The following PJA2 variants were observed in gnomAD, a reference collection of about 807,000 sequenced individuals.
PJA2 encodes the protein praja ring finger ubiquitin ligase 2.
A neutral mutation model predicts 69.3 loss-of-function variants in PJA2; 25 were observed. The ratio of observed to expected loss-of-function variants is 0.36; its 90% CI spans 0.26 to 0.50. PJA2 has a LOEUF of 0.50. Ranked by LOEUF, PJA2 falls within the 20% of genes least tolerant of loss-of-function variation. The probability of loss-of-function intolerance (pLI) is 0.96; values close to 1 mark genes in which losing one functional copy is unlikely to be tolerated. For synonymous variants in PJA2, 308 were observed against 277.8 expected (o/e 1.11, Z -1.08); for missense variants, 809 against 830.2 (o/e 0.97, Z 0.31).
At chr5:109,409,641 G>A (rs1461728658) in intron 1 of PJA2, among the ~76,000 whole-genome samples, 2 of 151,922 alleles carry the variant, frequency 1.3e-5, no homozygotes, top group East Asian at 3.9e-4. Flanking sequence ...GCTGGACAGG[G>A]CCCAGGAGGC....
chr5:109,354,404 T>C (rs1762365148), intron 7 of PJA2, among the ~76,000 whole-genome samples: 1 of 145,628 alleles, frequency 6.9e-6, no homozygotes. Flanking sequence ...TATCTAGAGA[T>C]ATCTATAGAT....
chr5:109,357,299 T>A (rs999307321), intron 6 of PJA2, among the ~76,000 whole-genome samples: 1 of 144,142 alleles, frequency 6.9e-6, no homozygotes, highest in Admixed American at 6.9e-5. Flanking sequence ...ACAAACAACC[T>A]AGCTCAAAAA....
intron 6 of PJA2, among the ~76,000 whole-genome samples, chr5:109,359,597 A>G (rs895941633): frequency 6.6e-6 from 1 of 152,242 alleles, no homozygotes; most frequent in Non-Finnish European, 1.5e-5. Flanking sequence ...GACAAATACA[A>G]CCTAAGGGAC....
intron 7 of PJA2, among the ~76,000 whole-genome samples, chr5:109,352,122 T>C (rs992554138): frequency 6.6e-6 from 1 of 152,184 alleles, no homozygotes; most frequent in Non-Finnish European, 1.5e-5. Context: ...CTGGTAGGAA[T>C]AATGCCACTG....
At chr5:109,383,787 G>A (rs1582618370) in intron 1 of PJA2, among the ~76,000 whole-genome samples, 1 of 152,202 alleles carries the variant, frequency 6.6e-6, no homozygotes, top group African/African-American at 2.4e-5. Context: ...ACAAAAATTA[G>A]CCAGGCGTGG....
intron 9 of PJA2, among the ~76,000 whole-genome samples, chr5:109,337,964 G>A (rs927872194): frequency 7.2e-5 from 11 of 152,054 alleles, no homozygotes; most frequent in Non-Finnish European, 1.6e-4. Context: ...AGAGTGTTAG[G>A]TGCCTTCTAA....
chr5:109,353,144 C>A (rs1015488799), intron 7 of PJA2, among the ~76,000 whole-genome samples: 1 of 62,356 alleles, frequency 1.6e-5, no homozygotes, highest in African/African-American at 8.0e-5. Context: ...ATACCTATAT[C>A]TAGATATCTA....
Position 109,378,276 on chromosome 5 carries a change from C to T in PJA2, c.1211G>A (p.Arg404Lys). Reference protein sequence around the residue: ...MTSESGATAGRQEVDNTFWNG... With the variant: ...MTSESGATAGKQEVDNTFWNG... ...CCAAAAGGTGTTATCCACCTCTTGCCTTCCTGCTGTGGCTCCACTTTCTGA... is the reference window on the plus strand; with the variant it reads ...CCAAAAGGTGTTATCCACCTCTTGCTTTCCTGCTGTGGCTCCACTTTCTGA... Residue 404 changes from arginine to lysine, a missense_variant, in exon 4 of 10, where the codon AGG becomes AAG. This residue lies in a region of PJA2 where 700 missense variants were observed against 639.5 expected (regional missense o/e 1.09). Transcript: ENST00000361189. The T allele has an allele frequency of 6.2e-7, 1 of 1,614,080 alleles. No homozygotes were observed. The highest frequency in any genetic ancestry group is 8.5e-7 in the Non-Finnish European group (1 of 1,179,966).
chr5:109,366,518 CG>C (rs1762587571), intron 5 of PJA2, among the ~76,000 whole-genome samples: 1 of 152,216 alleles, frequency 6.6e-6, no homozygotes, highest in South Asian at 2.1e-4. Flanking sequence ...TCTAAAGAGA[CG>C]TCATCCCTGA....
At chr5:109,396,602 T>C (rs1582628101) in intron 1 of PJA2, among the ~76,000 whole-genome samples, 2 of 151,614 alleles carry the variant, frequency 1.3e-5, no homozygotes, top group South Asian at 2.1e-4. Flanking sequence ...AAATTTTGTA[T>C]TTTTAGTAGA....
Position 109,336,583 on chromosome 5 carries a change from T to C in PJA2, c.*648A>G, listed in dbSNP as rs1428602613. 6.6e-6 allele frequency: 1 copy of C among 152,154 alleles called. No homozygotes were observed. The highest frequency in any genetic ancestry group is 3.2e-3 in the Middle Eastern group (1 of 316). The allele number at this position is 152,154 out of a possible 1,614,324, so 9.4% of individuals were successfully genotyped here. On this transcript the variant is annotated 3_prime_UTR_variant, in exon 10 of 10. Coordinates refer to ENST00000361189, the MANE Select transcript of PJA2 (RefSeq NM_014819.5). Reference sequence around the variant, plus strand: ...CTAACCTTACGTTAAGCACATCCACTGGTTTCATTAAGGATTTTACTACCT... The same window carrying C: ...CTAACCTTACGTTAAGCACATCCACCGGTTTCATTAAGGATTTTACTACCT...
chr5:109,390,104 G>A (rs1174092611), intron 1 of PJA2, among the ~76,000 whole-genome samples: 1 of 152,040 alleles, frequency 6.6e-6, no homozygotes, highest in East Asian at 1.9e-4. Flanking sequence ...ATTAGGTTAA[G>A]TTGATTAATC....
At chr5:109,376,557 G>A (rs1746892093) in intron 4 of PJA2, among the ~76,000 whole-genome samples, 1 of 151,714 alleles carries the variant, frequency 6.6e-6, no homozygotes, top group African/African-American at 2.4e-5. Flanking sequence ...CAGAAGAGAA[G>A]TATTTATTTT....
chr5:109,346,069 A>G (rs438173), intron 7 of PJA2, among the ~76,000 whole-genome samples: 66,050 of 152,106 alleles, frequency 0.43, 17,636 homozygotes, highest in Non-Finnish European at 0.59. Context: ...CTGGGACTGC[A>G]TAAGTCCTGT....
intron 4 of PJA2, among the ~76,000 whole-genome samples, chr5:109,371,610 T>C (rs1762677046): frequency 6.6e-6 from 1 of 152,194 alleles, no homozygotes; most frequent in African/African-American, 2.4e-5. Context: ...TAAATTTAAT[T>C]CCACTCCCTC....
chr5:109,337,143 ATATT>A lies in PJA2; in HGVS notation c.*84_*87del. ...TATACTATATATAGCATTTTTAAAT[ATATT>A]TATATATAATTATTTGCACATGAAA... On this transcript the variant is annotated 3_prime_UTR_variant, in exon 10 of 10. Coordinates refer to ENST00000361189, the MANE Select transcript of PJA2 (RefSeq NM_014819.5). The A allele has an allele frequency of 1.6e-6, 2 of 1,232,246 alleles. No homozygotes were observed. The highest frequency in any genetic ancestry group is 2.2e-6 in the Non-Finnish European group (2 of 919,002). 76.3% of individuals were successfully genotyped at this position (1,232,246 alleles called of 1,614,324 possible).
Position 109,383,399 on chromosome 5 carries a change from T to C in PJA2, c.31+4A>G. ...CTCAATGTAGAAGAACTGACTTTCC[T>C]TACCTGCTGGCTCCTTTTCAGTGTA... On this transcript the variant is annotated splice_donor_region_variant and intron_variant, in intron 2 of 9. Coordinates refer to ENST00000361189, the MANE Select transcript of PJA2 (RefSeq NM_014819.5). The C allele has an allele frequency of 6.2e-7, 1 of 1,613,316 alleles. No homozygotes were observed. The highest frequency in any genetic ancestry group is 8.5e-7 in the Non-Finnish European group (1 of 1,179,468).
At chr5:109,354,017 T>A (rs1306766803) in intron 7 of PJA2, among the ~76,000 whole-genome samples, 1 of 144,236 alleles carries the variant, frequency 6.9e-6, no homozygotes, top group East Asian at 2.1e-4. Flanking sequence ...ATAGATTAGA[T>A]ATCTATGATA....
intron 4 of PJA2, among the ~76,000 whole-genome samples, chr5:109,370,032 CAAAAAAA>C (rs1168528650): frequency 1.4e-4 from 7 of 49,096 alleles, no homozygotes; most frequent in Non-Finnish European, 2.9e-4. Context: ...AACTCCCTCT[CAAAAAAA>C]AAAAAAAAAA....
Sources: gnomAD v4.1 joint callset for allele counts (sites outside exome capture counted in the v4.1 genomes callset) on GRCh38, gnomAD v4.1.1 for gene constraint, gnomAD v4.1.1 regional missense constraint, MANE v1.5 for transcripts, NCBI Gene and HGNC (gene_info 2026-07-23, HGNC 2026-07-21) for gene names.